Variants in PCDH7 observed in about 807,000 individuals in gnomAD.
PCDH7 encodes the protein protocadherin 7, also known as protocadherin-7.
PCDH7 carries 17 observed loss-of-function variants against 58.9 expected under a neutral mutation model. That is an observed-to-expected ratio of 0.29 (90% CI 0.20 to 0.43). The LOEUF (loss-of-function observed/expected upper bound fraction) is 0.43. Ranked by LOEUF, PCDH7 falls within the 20% of genes least tolerant of loss-of-function variation. The pLI, the probability that PCDH7 is intolerant of heterozygous loss-of-function variation, is 1.00. For missense variants in PCDH7, 1,274 were observed against 1,441.0 expected (o/e 0.88, Z 1.88); for synonymous variants, 664 against 616.4 (o/e 1.08, Z -1.14).
chr4:30,835,521 C>T (rs1374657), intron 1 of PCDH7, among the ~76,000 whole-genome samples: 49,409 of 151,894 alleles, frequency 0.33, 8,408 homozygotes, highest in East Asian at 0.5. Context: ...TCCAGGAAAC[C>T]GGGTCCCTGA....
intron 3 of PCDH7, among the ~76,000 whole-genome samples, chr4:30,980,283 G>A (rs974112109): frequency 6.6e-6 from 1 of 152,264 alleles, no homozygotes; most frequent in Admixed American, 6.5e-5. Context: ...ATAATTTAAA[G>A]TCACAATAAT....
intron 3 of PCDH7, among the ~76,000 whole-genome samples, chr4:31,077,409 CAAAAAA>C (rs36096768): frequency 1.1e-5 from 1 of 87,996 alleles, no homozygotes; most frequent in Admixed American, 1.3e-4. Context: ...AACTCCATCT[CAAAAAA>C]AAAAAAAAAG....
At chr4:31,145,749 C>G (rs940989989), downstream of PCDH7, 1 of 152,048 alleles carries the variant, frequency 6.6e-6, no homozygotes. Flanking sequence ...TTAAATCTGA[C>G]TAGAAGATGA....
At chr4:30,998,582 C>A (rs1752096449) in intron 3 of PCDH7, among the ~76,000 whole-genome samples, 1 of 152,018 alleles carries the variant, frequency 6.6e-6, no homozygotes. Flanking sequence ...TGGGGCGTAT[C>A]CCAGAACAAT....
At chr4:30,827,220 C>G (rs1729209495) in intron 1 of PCDH7, among the ~76,000 whole-genome samples, 2 of 152,016 alleles carry the variant, frequency 1.3e-5, no homozygotes, top group South Asian at 4.1e-4. Context: ...TGCTTTGGGC[C>G]AGCTATTCTT....
At chr4:31,030,136 T>C (rs1375282803) in intron 3 of PCDH7, among the ~76,000 whole-genome samples, 1 of 151,566 alleles carries the variant, frequency 6.6e-6, no homozygotes, top group Non-Finnish European at 1.5e-5. Flanking sequence ...TGTATGTTTG[T>C]GTGTGTGCAT....
chr4:30,834,793 AG>A (rs1730261026), intron 1 of PCDH7, among the ~76,000 whole-genome samples: 1 of 152,066 alleles, frequency 6.6e-6, no homozygotes, highest in South Asian at 2.1e-4. Context: ...ATTATGTATT[AG>A]ATTTATACAG....
At chr4:31,034,099 A>C (rs1017484933) in intron 3 of PCDH7, among the ~76,000 whole-genome samples, 1 of 151,742 alleles carries the variant, frequency 6.6e-6, no homozygotes, top group South Asian at 2.1e-4. Flanking sequence ...GTCTCAAAAC[A>C]AACAAACAAA....
rs559832851 is a variant in PCDH7, at chr4:30,812,404, C to T, written c.70+87808C>T. On this transcript the variant is annotated intron_variant, in intron 1 of 3. Coordinates refer to the PCDH7 transcript ENST00000509759. ...TGAAAAATAATGTAACATTTTGACC[C>T]CCAGAAATTAACTCAGGACTAGTTG... is the stretch of plus-strand genomic sequence containing the variant. 5.3e-5 allele frequency among the ~76,000 whole-genome samples: 8 copies of T among 152,186 alleles called. 1 individual carries two copies. Among genetic ancestry groups the T allele is most frequent in the African/African-American group, 1.9e-4 (8 of 41,518 alleles).
In PCDH7 at chr4:30,723,472, A is replaced by C; in HGVS notation, c.2050A>C (p.Ile684Leu). 6.2e-7 allele frequency: 1 copy of C among 1,613,984 alleles called. No homozygotes were observed. The highest frequency in any genetic ancestry group is 1.1e-5 in the South Asian group (1 of 91,072). ...CCTGTACATAGAGGAGAACAATAAC[A>C]TTTTTTCTATTGAAAATGACACGGG... is the stretch of plus-strand genomic sequence containing the variant. The change falls in exon 1 of 2, where the codon ATT becomes CTT. Residue 684 changes from isoleucine to leucine, a missense_variant. Coordinates refer to ENST00000361762, the Ensembl canonical transcript of PCDH7. The surrounding 1 kb of genome is among the most constrained non-coding windows in gnomAD (Gnocchi z 4.6).
At chr4:30,772,051 G>A (rs1440320738) in intron 1 of PCDH7, among the ~76,000 whole-genome samples, 2 of 151,994 alleles carry the variant, frequency 1.3e-5, no homozygotes, top group African/African-American at 4.8e-5. Context: ...TGTATTTTTA[G>A]TAGAGATGGG....
intron 2 of PCDH7, among the ~76,000 whole-genome samples, chr4:30,936,631 A>ATT (rs56159727): frequency 8.2e-4 from 123 of 149,176 alleles, no homozygotes; most frequent in African/African-American, 2.7e-3. Context: ...ACCACAATGC[A>ATT]TTTTTTTTTT....
At chr4:30,856,686 G>A (rs376278509) in intron 1 of PCDH7, among the ~76,000 whole-genome samples, 1,728 of 108,682 alleles carry the variant, frequency 0.016, 17 homozygotes, top group Non-Finnish European at 0.022. Context: ...TTACTATACT[G>A]ATATCAGAAA....
chr4:30,762,164 G>T (rs1720112296), intron 1 of PCDH7, among the ~76,000 whole-genome samples: 1 of 152,138 alleles, frequency 6.6e-6, no homozygotes, highest in South Asian at 2.1e-4. Context: ...TGGAATGCTT[G>T]GGAGAATCGG....
intron 1 of PCDH7, among the ~76,000 whole-genome samples, chr4:30,759,270 G>A (rs1719728398): frequency 6.6e-6 from 1 of 152,018 alleles, no homozygotes; most frequent in Non-Finnish European, 1.5e-5. Flanking sequence ...AAGTGGTCAT[G>A]TCAAAGATGT....
rs753818207 is a variant in PCDH7 at position 30,721,554 on chromosome 4, C to G, written c.132C>G (p.Ala44=). ...ACCGGCTGGCCGAGGAGGGCCCCGC[C>G]GACGTCCGCATCGGCAACGTGGCTT... Residue 44 remains alanine, a synonymous_variant, in exon 1 of 2, where the codon GCC becomes GCG. Coordinates refer to ENST00000361762, the Ensembl canonical transcript of PCDH7. The surrounding 1 kb of genome is among the most constrained non-coding windows in gnomAD (Gnocchi z 6.7). 1.2e-6 allele frequency: 2 copies of G among 1,604,228 alleles called. No homozygotes were observed. Among genetic ancestry groups the G allele is most frequent in the South Asian group, 1.1e-5 (1 of 91,052 alleles).
rs117238896 is a variant in PCDH7 at position 30,758,646 on chromosome 4, T to C, written c.70+34050T>C. On this transcript the variant is annotated intron_variant, in intron 1 of 3. Transcript: ENST00000509759. Reference sequence around the variant, plus strand: ...AGTTGTGTGAGCACTAAAGGGCAGATAGGACAAATGACCCTGCCTGCATCG... The same window carrying C: ...AGTTGTGTGAGCACTAAAGGGCAGACAGGACAAATGACCCTGCCTGCATCG... Among the ~76,000 whole-genome samples, 78 of 152,206 alleles carry C rather than the reference T, an allele frequency of 5.1e-4. 1 individual carries two copies. The East Asian group carries it at 0.013, about 25-fold the overall frequency.
intron 3 of PCDH7, among the ~76,000 whole-genome samples, chr4:30,957,314 A>G (rs1380622797): frequency 6.6e-6 from 1 of 152,226 alleles, no homozygotes; most frequent in Admixed American, 6.5e-5. Flanking sequence ...ATGGAATATT[A>G]TTTATTTGAC....
intron 1 of PCDH7, among the ~76,000 whole-genome samples, chr4:30,790,532 A>T (rs1723979283): frequency 6.6e-6 from 1 of 152,236 alleles, no homozygotes; most frequent in Non-Finnish European, 1.5e-5. Context: ...GATGGATTCA[A>T]CTTGCATTAC....
Sources: gnomAD v4.1 joint callset for allele counts (sites outside exome capture counted in the v4.1 genomes callset) on GRCh38, gnomAD v4.1.1 for gene constraint, Gnocchi (gnomAD v3.1) non-coding constraint, MANE v1.5 for transcripts, NCBI Gene and HGNC (gene_info 2026-07-23, HGNC 2026-07-21) for gene names.